The following PPP2R3C variants were observed in gnomAD, a reference collection of about 807,000 sequenced individuals.
The protein encoded by PPP2R3C is serine/threonine-protein phosphatase 2A regulatory subunit B'' subunit gamma.
In PPP2R3C, 47 loss-of-function variants were observed where a neutral mutation model predicts 63.7. The ratio of observed to expected loss-of-function variants is 0.74; its 90% CI spans 0.58 to 0.94. The LOEUF is 0.94. Ranked by LOEUF, PPP2R3C falls within the 40% of genes least tolerant of loss-of-function variation. PPP2R3C has a pLI of 0.00. For synonymous variants in PPP2R3C, 180 were observed against 177.4 expected (o/e 1.01, Z -0.12); for missense variants, 421 against 518.4 (o/e 0.81, Z 1.82).
chr14:35,088,026 A>G lies in PPP2R3C; in HGVS notation c.1114-16T>C. The G allele has an allele frequency of 6.5e-7, 1 of 1,546,998 alleles. No homozygotes were observed. Among genetic ancestry groups the G allele is most frequent in the South Asian group, 1.1e-5 (1 of 89,456 alleles). ...CCTGTATGGCCTGTATTTAATAGAA[A>G]TAAATCTGTAAATAAAAAATGAAAT... On this transcript the variant is annotated splice_polypyrimidine_tract_variant and intron_variant, in intron 11 of 12. Coordinates refer to ENST00000261475, the MANE Select transcript of PPP2R3C (RefSeq NM_017917.4).
intron 6 of PPP2R3C, among the ~76,000 whole-genome samples, chr14:35,105,488 C>CTT (rs372509828): frequency 1.4e-5 from 2 of 147,490 alleles, no homozygotes; most frequent in East Asian, 2.0e-4. Context: ...GCCAAAAGGC[C>CTT]TTTTTTTTTT....
At position 35,121,808 on chromosome 14, in the gene PPP2R3C, G is replaced by A. The variant is rs541175550; in HGVS notation, c.58+94C>T. On this transcript the variant is annotated intron_variant, in intron 1 of 12. Coordinates refer to ENST00000261475, the MANE Select transcript of PPP2R3C (RefSeq NM_017917.4). The stretch of plus-strand genomic sequence containing the variant: ...CGGGAGGTTTCACAGAAGCGGAAAA[G>A]GCGGCTCCCCCTTGCTCCTCCTCCC... 2.6e-5 allele frequency: 36 copies of A among 1,379,714 alleles called. No homozygotes were observed. The East Asian group carries it at 4.9e-4, about 19-fold the overall frequency. 85.5% of individuals were successfully genotyped at this position (1,379,714 alleles called of 1,614,324 possible). A position where few individuals can be genotyped will look rare whatever the true frequency, so the allele number is the denominator to read the frequency against.
chr14:35,106,910 G>A (rs1479817106), intron 6 of PPP2R3C, among the ~76,000 whole-genome samples: 1 of 151,818 alleles, frequency 6.6e-6, no homozygotes, highest in Non-Finnish European at 1.5e-5. Flanking sequence ...CAGGTGATCC[G>A]CCTGCCTCAT....
At chr14:35,121,872 T>C in intron 1 of PPP2R3C, 30 bp downstream of exon 1, 1 of 1,612,288 alleles carries the variant, frequency 6.2e-7, no homozygotes, top group Non-Finnish European at 8.5e-7. Flanking sequence ...GGCCGGGCCA[T>C]CCCAACGGGC....
chr14:35,101,226 T>TG (rs1453746521), intron 6 of PPP2R3C: 2 of 152,362 alleles, frequency 1.3e-5, no homozygotes, highest in African/African-American at 4.8e-5. Context: ...CTGCCTGCCT[T>TG]GGCCTCCCAA....
At chr14:35,117,008 C>T (rs956907987) in intron 1 of PPP2R3C, 12 of 432,898 alleles carry the variant, frequency 2.8e-5, no homozygotes, top group Non-Finnish European at 5.5e-5. Context: ...CTCAAATTAC[C>T]TCTCCTACAG....
intron 9 of PPP2R3C, among the ~76,000 whole-genome samples, chr14:35,096,059 T>C (rs551957144): frequency 1.3e-5 from 2 of 152,250 alleles, no homozygotes; most frequent in African/African-American, 4.8e-5. Flanking sequence ...AAAAGGGTTC[T>C]GCTGGGTGCA....
chr14:35,114,291 T>A (rs1255795036), intron 2 of PPP2R3C, among the ~76,000 whole-genome samples: 1 of 152,186 alleles, frequency 6.6e-6, no homozygotes, highest in Non-Finnish European at 1.5e-5. Flanking sequence ...TTAGCCATAT[T>A]TTTTCCTTTT....
chr14:35,091,304 G>A, intron 10 of PPP2R3C, 97 bp from the exon 11 acceptor site: 1 of 1,194,894 alleles, frequency 8.4e-7, no homozygotes, highest in Non-Finnish European at 1.1e-6. Flanking sequence ...ATCAAAGGTG[G>A]CAAATTTAAT....
At chr14:35,112,423 GTTC>G (rs932306998) in intron 2 of PPP2R3C, among the ~76,000 whole-genome samples, 3 of 152,154 alleles carry the variant, frequency 2.0e-5, no homozygotes, top group Admixed American at 6.5e-5. Context: ...ACTTTAAAGA[GTTC>G]TTCTTCCTTT....
chr14:35,106,434 CA>C (rs1010117464), intron 6 of PPP2R3C: 1 of 152,616 alleles, frequency 6.6e-6, no homozygotes, highest in Non-Finnish European at 1.4e-5. Context: ...CTCTGCCTCC[CA>C]GATTCAAGCG....
chr14:35,085,905 G>T, intron 12 of PPP2R3C, 127 bp from the exon 13 acceptor site: 5 of 695,606 alleles, frequency 7.2e-6, no homozygotes, highest in Middle Eastern at 4.2e-4. Context: ...CTGCCACTTG[G>T]GCTTATGTTA....
chr14:35,091,086 A>C lies in PPP2R3C; in HGVS notation c.1097T>G (p.Leu366Arg). The C allele has an allele frequency of 6.2e-7, 1 of 1,603,746 alleles. No homozygotes were observed. The highest frequency in any genetic ancestry group is 8.5e-7 in the Non-Finnish European group (1 of 1,173,070). The change falls in exon 11 of 13, where the codon CTT (leucine) becomes CGT (arginine). Residue 366 changes from leucine (L) to arginine (R), a missense_variant. Around this residue, in one of 3 missense-constraint regions of PPP2R3C, gnomAD observed 231 missense variants for 264.8 expected, o/e 0.87. Transcript: ENST00000261475. ...GAGACTTACCCTAAAGAAATAATTA[A>C]GTGAAAAGACATTCAGGTATCCTTT... ...ENKGYLNVFS[L>R]NYFFRAIQEL... is the part of the protein sequence containing the mutation.
intron 5 of PPP2R3C, 96 bp downstream of exon 5, chr14:35,108,041 TAG>T: frequency 1.4e-6 from 2 of 1,456,954 alleles, no homozygotes; most frequent in Non-Finnish European, 1.8e-6. Flanking sequence ...TATTCAAACT[TAG>T]AGTGATTTCA....
rs913604206 is a variant in PPP2R3C at position 35,087,804 on chromosome 14, C to A, written c.1173+147G>T. On this transcript the variant is annotated intron_variant, in intron 12 of 12. Transcript: ENST00000261475. The stretch of plus-strand genomic sequence containing the variant: ...AAATAGTCCAAATGTGGTCTCAGTT[C>A]GTAATGATTTAAATATCAGTTCAGA... The A allele has an allele frequency of 4.5e-5, 29 of 640,740 alleles. No individual in the cohort carries two copies. The African/African-American group carries it at 5.2e-4, about 11-fold the overall frequency. 39.7% of individuals were successfully genotyped at this position (640,740 alleles called of 1,614,324 possible). A position where few individuals can be genotyped will look rare whatever the true frequency, so the allele number is the denominator to read the frequency against.
chr14:35,121,786 G>A lies in PPP2R3C; in HGVS notation c.58+116C>T, dbSNP rs572875891. ...CATTCCACTCCGCCTCCTTTGTCGG[G>A]AGGTTTCACAGAAGCGGAAAAGGCG... On this transcript the variant is annotated intron_variant, in intron 1 of 12. Coordinates refer to ENST00000261475, the MANE Select transcript of PPP2R3C (RefSeq NM_017917.4). 6 of 1,153,614 alleles carry A rather than the reference G, an allele frequency of 5.2e-6. No individual in the cohort carries two copies. The East Asian group carries it at 9.6e-5, about 18-fold the overall frequency. The allele number at this position is 1,153,614 out of a possible 1,614,324, so 71.5% of individuals were successfully genotyped here.
At chr14:35,122,154 G>A, upstream of PPP2R3C, 1 of 581,890 alleles carries the variant, frequency 1.7e-6, no homozygotes, top group Non-Finnish European at 3.1e-6. Flanking sequence ...CCGCTACCAC[G>A]CTGACTGGGG....
At chr14:35,094,854 T>G (rs2045943916) in intron 10 of PPP2R3C, among the ~76,000 whole-genome samples, 194 bp downstream of exon 10, 1 of 152,030 alleles carries the variant, frequency 6.6e-6, no homozygotes, top group African/African-American at 2.4e-5. Context: ...CTCCGGAGGC[T>G]GAGGCAGGAG....
chr14:35,099,099 T>G, intron 7 of PPP2R3C, 153 bp downstream of exon 7: 1 of 1,044,138 alleles, frequency 9.6e-7, no homozygotes, highest in South Asian at 2.0e-5. Flanking sequence ...CTGCTACTGT[T>G]TTTTCTACCT....
Sources: gnomAD v4.1 joint callset for allele counts (sites outside exome capture counted in the v4.1 genomes callset) on GRCh38, gnomAD v4.1.1 for gene constraint, gnomAD v4.1.1 regional missense constraint, MANE v1.5 for transcripts, NCBI Gene and HGNC (gene_info 2026-07-23, HGNC 2026-07-21) for gene names.